Variants in MOV10L1 observed in about 807,000 individuals in gnomAD.
MOV10L1 encodes Mov10 like RNA helicase 1, also known as RNA helicase Mov10l1.
A neutral mutation model predicts 143.8 loss-of-function variants in MOV10L1; 110 were observed. The ratio of observed to expected loss-of-function variants is 0.76; its 90% CI spans 0.66 to 0.90. The LOEUF (loss-of-function observed/expected upper bound fraction) is 0.90, where lower values mean the gene tolerates loss of function less well. MOV10L1 is among the 40% of genes least tolerant of loss of function. The probability of loss-of-function intolerance (pLI) is 0.00; values close to 1 mark genes in which losing one functional copy is unlikely to be tolerated. For synonymous variants in MOV10L1, 593 were observed against 581.1 expected (o/e 1.02, Z -0.29); for missense variants, 1,406 against 1,526.8 (o/e 0.92, Z 1.32).
rs140411507 is a variant in MOV10L1 at position 50,117,348 on chromosome 22, A to G, written c.1451A>G (p.Lys484Arg). 33 of 1,613,262 alleles carry G rather than the reference A, an allele frequency of 2.0e-5. No homozygotes were observed. The East Asian group carries it at 6.9e-4, about 34-fold the overall frequency. Residue 484 changes from lysine to arginine, a missense_variant, in exon 9 of 27, where the codon AAA (lysine) becomes AGA (arginine). Transcript: ENST00000262794. ...ACTACAGTTGTTGTGACCGCACAGA[A>G]AAGGTACCATAACTGAAATGAGTGT... ...AKTTVVVTAQ[K>R]RNSRRQLPSF...
chr22:50,107,450 C>T (rs563310305), intron 3 of MOV10L1, among the ~76,000 whole-genome samples: 1 of 152,262 alleles, frequency 6.6e-6, no homozygotes, highest in South Asian at 2.1e-4. Context: ...TGTTCATCAC[C>T]AGCTTTCTGG....
chr22:50,095,348 A>G (rs1373817703), intron 2 of MOV10L1: 2 of 152,354 alleles, frequency 1.3e-5, no homozygotes, highest in East Asian at 3.8e-4. Context: ...ATCATCAGAG[A>G]TGTACAACTG....
At chr22:50,102,242 A>T (rs1569272668) in intron 3 of MOV10L1, among the ~76,000 whole-genome samples, 1 of 152,206 alleles carries the variant, frequency 6.6e-6, no homozygotes, top group Non-Finnish European at 1.5e-5. Context: ...TTTTTGAAAG[A>T]GAAAATACAA....
At chr22:50,106,892 G>A (rs1261279083) in intron 3 of MOV10L1, among the ~76,000 whole-genome samples, 2 of 151,076 alleles carry the variant, frequency 1.3e-5, no homozygotes, top group Non-Finnish European at 3.0e-5. Flanking sequence ...TAGTAGAGAC[G>A]GGGTTTCACT....
At chr22:50,101,668 C>T (rs530493669) in intron 3 of MOV10L1, among the ~76,000 whole-genome samples, 1 of 152,172 alleles carries the variant, frequency 6.6e-6, no homozygotes, top group East Asian at 1.9e-4. Flanking sequence ...TGTGCCACCA[C>T]ACCTGGCTAA....
In MOV10L1 at chr22:50,145,807, T is replaced by C; in HGVS notation, c.2624T>C (p.Val875Ala). The C allele has an allele frequency of 6.2e-7, 1 of 1,613,474 alleles. No individual in the cohort carries two copies. Among genetic ancestry groups the C allele is most frequent in the Non-Finnish European group, 8.5e-7 (1 of 1,179,872 alleles). ...SSSGLFYQIG[V>A]RVGHFTHVFV... ...TCAGGGCTGTTTTACCAAATAGGAG[T>C]GAGGTGAGCCCCGGGCATGGAGCGC... The change falls in exon 19 of 27, where the codon GTG becomes GCG. Residue 875 changes from valine to alanine, a missense_variant. Physicochemically the swap from Val to Ala is moderately conservative, Grantham distance 64. Coordinates refer to ENST00000262794, the MANE Select transcript of MOV10L1 (RefSeq NM_018995.3).
At chr22:50,143,246 C>T (rs374684175) in intron 17 of MOV10L1, 25 bp downstream of exon 17, 8 of 1,609,634 alleles carry the variant, frequency 5.0e-6, no homozygotes, top group Non-Finnish European at 5.1e-6. Flanking sequence ...GCCGCGGGTG[C>T]TGTGGCTCTG....
At chr22:50,121,979 G>A (rs897764705) in intron 10 of MOV10L1, among the ~76,000 whole-genome samples, 3 of 151,968 alleles carry the variant, frequency 2.0e-5, no homozygotes, top group Non-Finnish European at 2.9e-5. Flanking sequence ...CCCCAGAGAC[G>A]AGGTCTCACT....
chr22:50,149,185 C>T (rs984072319), intron 19 of MOV10L1, among the ~76,000 whole-genome samples: 4 of 152,356 alleles, frequency 2.6e-5, no homozygotes, highest in African/African-American at 7.2e-5. Flanking sequence ...ACCTCAGCCA[C>T]CTCCCGAGAG....
chr22:50,145,595 CG>C, intron 18 of MOV10L1, 93 bp from the exon 19 acceptor site: 1 of 1,491,694 alleles, frequency 6.7e-7, no homozygotes, highest in Non-Finnish European at 9.2e-7. Flanking sequence ...ATGACTTAGA[CG>C]TAACTAAGAA....
Position 50,161,441 on chromosome 22 carries a change from C to G in MOV10L1, c.3628C>G (p.Pro1210Ala). Reference sequence around the variant, plus strand: ...CACAGGACCAGAGAAGCATCAGGAGCCCAGCTGATCTGCAGTGGCTGACAG... The same window carrying G: ...CACAGGACCAGAGAAGCATCAGGAGGCCAGCTGATCTGCAGTGGCTGACAG... ...ESTGPEKHQE[P>A]S is the part of the protein sequence containing the mutation. The change falls in exon 27 of 27, where the codon CCC becomes GCC. Residue 1210 changes from proline to alanine, a missense_variant. Physicochemically the swap from Pro to Ala is conservative, Grantham distance 27. Coordinates refer to ENST00000262794, the MANE Select transcript of MOV10L1 (RefSeq NM_018995.3). 6.3e-7 allele frequency: 1 copy of G among 1,589,408 alleles called. No individual in the cohort carries two copies. Among genetic ancestry groups the G allele is most frequent in the Non-Finnish European group, 8.6e-7 (1 of 1,167,820 alleles).
At chr22:50,137,942 G>A (rs2062878210) in intron 15 of MOV10L1, among the ~76,000 whole-genome samples, 2 of 150,442 alleles carry the variant, frequency 1.3e-5, no homozygotes. Flanking sequence ...ACATGTATAT[G>A]AGACCAAGAG....
intron 7 of MOV10L1, 86 bp from the exon 8 acceptor site, chr22:50,115,028 G>A: frequency 1.5e-6 from 2 of 1,378,088 alleles, no homozygotes; most frequent in South Asian, 1.3e-5. Context: ...GTGTGTGAGA[G>A]AGTATTCATT....
At chr22:50,138,389 A>T (rs919945505) in intron 15 of MOV10L1, among the ~76,000 whole-genome samples, 2 of 152,104 alleles carry the variant, frequency 1.3e-5, no homozygotes, top group African/African-American at 4.8e-5. Context: ...CCCTGTCTCT[A>T]TTTTTAAAAA....
At chr22:50,114,072 C>T (rs1006163514) in intron 6 of MOV10L1, among the ~76,000 whole-genome samples, 4 of 151,856 alleles carry the variant, frequency 2.6e-5, no homozygotes, top group African/African-American at 9.7e-5. Flanking sequence ...GCGCCCGCCA[C>T]CACGCCCGGC....
In MOV10L1 at chr22:50,115,233, A is replaced by G. The variant is rs201324007; in HGVS notation, c.1246A>G (p.Ile416Val). The change falls in exon 8 of 27, where the codon ATC (isoleucine) becomes GTC (valine). Residue 416 changes from isoleucine to valine, a missense_variant. By Grantham distance (29) the Ile-to-Val change is conservative. Coordinates refer to ENST00000262794, the MANE Select transcript of MOV10L1 (RefSeq NM_018995.3). The stretch of plus-strand genomic sequence containing the variant: ...AGGGGGAAAAACCTTCATTGTGGTC[A>G]TCTGTGACGGAAAGTAAGGGCCTGG... ...PPGGKTFIVV[I>V]CDGKNPGRCK... 1 of 1,524,596 alleles carries G rather than the reference A, an allele frequency of 6.6e-7. No individual in the cohort carries two copies. The highest frequency in any genetic ancestry group is 2.5e-5 in the Admixed American group (1 of 39,310). The allele number at this position is 1,524,596 out of a possible 1,614,324, so 94.4% of individuals were successfully genotyped here.
intron 13 of MOV10L1, among the ~76,000 whole-genome samples, chr22:50,131,117 C>T (rs1334413303): frequency 6.7e-6 from 1 of 148,982 alleles, no homozygotes; most frequent in Admixed American, 6.7e-5. Flanking sequence ...ACTGTGTTAG[C>T]CAGAATGGTC....
At chr22:50,133,526 G>A (rs1188168776) in intron 13 of MOV10L1, among the ~76,000 whole-genome samples, 1 of 148,632 alleles carries the variant, frequency 6.7e-6, no homozygotes, top group Non-Finnish European at 1.5e-5. Context: ...TGGCTTCTTT[G>A]GTATTCTCTA....
At chr22:50,100,067 C>G (rs984106470) in intron 3 of MOV10L1, among the ~76,000 whole-genome samples, 1 of 152,106 alleles carries the variant, frequency 6.6e-6, no homozygotes, top group African/African-American at 2.4e-5. Context: ...TCTCAGCTCA[C>G]TGCAACCTCT....
Sources: gnomAD v4.1 joint callset for allele counts (sites outside exome capture counted in the v4.1 genomes callset) on GRCh38, gnomAD v4.1.1 for gene constraint, MANE v1.5 for transcripts, NCBI Gene and HGNC (gene_info 2026-07-23, HGNC 2026-07-21) for gene names.